The following RP1 variants were observed in gnomAD, a reference collection of about 807,000 sequenced individuals.
The protein encoded by RP1 is RP1 axonemal microtubule associated.
Under a neutral mutation model 14.8 loss-of-function variants are expected in RP1, and 16 were observed. The ratio of observed to expected loss-of-function variants is 1.08; its 90% CI spans 0.73 to 1.65. The LOEUF is 1.65. Among genes scored for constraint, RP1 ranks in the 40% most tolerant of loss-of-function variants. The pLI, the probability that RP1 is intolerant of heterozygous loss-of-function variation, is 0.00. For synonymous variants in RP1, 876 were observed against 883.6 expected (o/e 0.99, Z 0.15); for missense variants, 2,631 against 2,535.0 (o/e 1.04, Z -0.81).
At chr8:54,618,728 T>G (rs1805784675) in intron 1 of RP1, among the ~76,000 whole-genome samples, 1 of 152,180 alleles carries the variant, frequency 6.6e-6, no homozygotes, top group Non-Finnish European at 1.5e-5. Flanking sequence ...CGATCTCAGC[T>G]CACTGCAACA....
At chr8:54,868,776 C>T (rs900970507) in intron 28 of RP1, among the ~76,000 whole-genome samples, 35 of 151,976 alleles carry the variant, frequency 2.3e-4, no homozygotes, top group South Asian at 4.2e-4. Context: ...TACTGTCTTC[C>T]GCAGTATAGA....
intron 17 of RP1, chr8:54,734,494 G>A: frequency 6.8e-7 from 1 of 1,473,760 alleles, no homozygotes; most frequent in Non-Finnish European, 9.0e-7. Context: ...AAAGGATTCT[G>A]TCAGCCTGAT....
chr8:54,666,121 C>T (rs1807012591), intron 7 of RP1, among the ~76,000 whole-genome samples: 1 of 152,078 alleles, frequency 6.6e-6, no homozygotes, highest in Admixed American at 6.6e-5. Context: ...GGACAAACTC[C>T]TTCCAGGGAG....
chr8:54,603,926 A>G (rs1805358359), intron 1 of RP1, among the ~76,000 whole-genome samples: 1 of 152,206 alleles, frequency 6.6e-6, no homozygotes, highest in South Asian at 2.1e-4. Flanking sequence ...TATCAGTTTA[A>G]GGAGATTTGG....
At position 54,625,051 on chromosome 8, in the gene RP1, A is replaced by G; in HGVS notation, c.1169A>G (p.Asp390Gly). ...CTTGCAGCATGTTCATTCTCTGCAG[A>G]TGTGTCACCTATGGAGCGAAGCAGT... Reference protein sequence around the residue: ...LKLAACSFSADVSPMERSSNQ... With the variant: ...LKLAACSFSAGVSPMERSSNQ... Residue 390 changes from aspartate (D) to glycine (G), a missense_variant, in exon 4 of 4, where the codon GAT becomes GGT. Physicochemically the swap from Asp to Gly is moderately conservative, Grantham distance 94. Transcript: ENST00000220676. 6.2e-7 allele frequency: 1 copy of G among 1,614,208 alleles called. No homozygotes were observed. The highest frequency in any genetic ancestry group is 8.5e-7 in the Non-Finnish European group (1 of 1,180,038).
At chr8:54,753,939 G>A (rs930712745) in intron 19 of RP1, among the ~76,000 whole-genome samples, 2 of 152,140 alleles carry the variant, frequency 1.3e-5, no homozygotes, top group Non-Finnish European at 2.9e-5. Flanking sequence ...GGAGGGACAG[G>A]GACTTATTTA....
chr8:54,764,900 T>C (rs143290595), intron 22 of RP1, among the ~76,000 whole-genome samples: 73 of 150,720 alleles, frequency 4.8e-4, no homozygotes, highest in African/African-American at 1.7e-3. Flanking sequence ...AGAATTAGCA[T>C]GAGTTAAAAA....
chr8:54,782,684 A>T (rs1304204051), intron 23 of RP1, among the ~76,000 whole-genome samples: 1 of 152,016 alleles, frequency 6.6e-6, no homozygotes, highest in Non-Finnish European at 1.5e-5. Flanking sequence ...TCAGGGTGAG[A>T]GGGGTTCATT....
chr8:54,771,472 C>A (rs1042798504), downstream of RP1, among the ~76,000 whole-genome samples: 4 of 151,992 alleles, frequency 2.6e-5, no homozygotes, highest in African/African-American at 9.7e-5. Context: ...CATGAAGTTG[C>A]AATGTACAGG....
chr8:54,669,496 A>G (rs1449370309), intron 7 of RP1, among the ~76,000 whole-genome samples: 3 of 152,210 alleles, frequency 2.0e-5, no homozygotes, highest in Non-Finnish European at 4.4e-5. Context: ...AGAACTAGAA[A>G]TACCACTTGA....
intron 3 of RP1, among the ~76,000 whole-genome samples, chr8:54,638,543 G>T (rs1469038843): frequency 6.6e-6 from 1 of 151,418 alleles, no homozygotes; most frequent in East Asian, 1.9e-4. Flanking sequence ...TTAAAAATTT[G>T]TCTTTTATTT....
chr8:54,691,544 A>G (rs548093778), intron 12 of RP1, among the ~76,000 whole-genome samples: 80 of 152,138 alleles, frequency 5.3e-4, no homozygotes, highest in African/African-American at 1.9e-3. Flanking sequence ...TGAGCGAGAG[A>G]TGAGTGGAGA....
chr8:54,852,361 C>T (rs1296556931), intron 25 of RP1, among the ~76,000 whole-genome samples: 1 of 151,974 alleles, frequency 6.6e-6, no homozygotes. Context: ...TATTTTGAAA[C>T]AGTAGTTCTG....
exon 29 of RP1, chr8:54,869,855 G>A: frequency 8.1e-7 from 1 of 1,229,816 alleles, no homozygotes; most frequent in Non-Finnish European, 1.0e-6. Context: ...GGCTAGATGA[G>A]TACCAAGATG....
intron 3 of RP1, among the ~76,000 whole-genome samples, chr8:54,642,141 G>T (rs1806464648): frequency 6.6e-6 from 1 of 152,120 alleles, no homozygotes. Context: ...GTTTACATAT[G>T]ATTATTAGGA....
chr8:54,785,702 T>G (rs1040175111), intron 24 of RP1, among the ~76,000 whole-genome samples: 1 of 152,112 alleles, frequency 6.6e-6, no homozygotes, highest in African/African-American at 2.4e-5. Flanking sequence ...TTCGATATTA[T>G]CTGTTTTTTG....
At chr8:54,595,155 A>C (rs1805111942) in intron 1 of RP1, among the ~76,000 whole-genome samples, 1 of 142,438 alleles carries the variant, frequency 7.0e-6, no homozygotes, top group Non-Finnish European at 1.5e-5. Context: ...TTTGAGATGG[A>C]GTCTTTCTCT....
intron 4 of RP1, among the ~76,000 whole-genome samples, chr8:54,650,046 T>A (rs1191094833): frequency 6.6e-6 from 1 of 152,264 alleles, no homozygotes; most frequent in East Asian, 1.9e-4. Context: ...GTTGTTTTAC[T>A]ATTTTAGTGT....
rs576383843 is a variant in RP1, at chr8:54,628,527, G to C, written c.4645G>C (p.Glu1549Gln). Residue 1549 changes from glutamate (E) to glutamine (Q), a missense_variant, in exon 4 of 4, where the codon GAA becomes CAA. Glu to Gln is a conservative substitution (Grantham distance 29). Coordinates refer to ENST00000220676, the MANE Select transcript of RP1 (RefSeq NM_006269.2). ...TTGCTATGATTCTAAGCAAAATAGT[G>C]AAAAGGAGACCAATGAAGGAGAAAC... The part of the protein sequence containing the change: ...DFCYDSKQNS[E>Q]KETNEGETKM... The C allele has an allele frequency of 5.0e-6, 8 of 1,613,994 alleles. No individual in the cohort carries two copies. In the East Asian group the frequency reaches 1.8e-4, roughly 36 times the overall value.
Sources: gnomAD v4.1 joint callset for allele counts (sites outside exome capture counted in the v4.1 genomes callset) on GRCh38, gnomAD v4.1.1 for gene constraint, MANE v1.5 for transcripts, NCBI Gene and HGNC (gene_info 2026-07-23, HGNC 2026-07-21) for gene names.